Variants in ENTREP2 observed in about 807,000 individuals in gnomAD.
ENTREP2 encodes protein ENTREP2.
the ENTREP2 span, among the ~76,000 whole-genome samples, chr15:29,240,757 T>C: frequency 1.3e-3 from 197 of 152,334 alleles, 3 homozygotes; most frequent in Non-Finnish European, 3.2e-4. Context: ...CAGGTTGGAA[T>C]CTGATGCCAG....
the ENTREP2 span, among the ~76,000 whole-genome samples, chr15:29,477,018 G>T: frequency 3.3e-5 from 5 of 152,168 alleles, no homozygotes; most frequent in African/African-American, 1.2e-4. Context: ...AACTACCCTA[G>T]TGCCATCAAC....
At chr15:29,449,511 T>A in the ENTREP2 span, among the ~76,000 whole-genome samples, 1 of 152,338 alleles carries the variant, frequency 6.6e-6, no homozygotes, top group East Asian at 1.9e-4. Flanking sequence ...TGAATGTGAA[T>A]GATCACCCTT....
chr15:29,498,519 T>C, the ENTREP2 span, among the ~76,000 whole-genome samples: 4 of 152,186 alleles, frequency 2.6e-5, no homozygotes, highest in Non-Finnish European at 4.4e-5. Flanking sequence ...ATAATTAAAA[T>C]ATAATTTCAA....
chr15:29,131,182 G>A, the ENTREP2 span, among the ~76,000 whole-genome samples: 12 of 152,234 alleles, frequency 7.9e-5, no homozygotes, highest in Admixed American at 3.9e-4. Flanking sequence ...AGAGCTCTTC[G>A]TTTGGGGCAA....
the ENTREP2 span, among the ~76,000 whole-genome samples, chr15:29,396,199 G>A: frequency 5.3e-5 from 8 of 152,132 alleles, no homozygotes; most frequent in South Asian, 4.1e-4. Flanking sequence ...TGTACATTAC[G>A]TCTCCAGAAT....
chr15:29,441,693 T>A, the ENTREP2 span, among the ~76,000 whole-genome samples: 1 of 152,170 alleles, frequency 6.6e-6, no homozygotes, highest in Admixed American at 6.5e-5. Context: ...AGTATTTACA[T>A]GCATCATCCC....
the ENTREP2 span, among the ~76,000 whole-genome samples, chr15:29,211,263 A>G: frequency 8.5e-5 from 13 of 152,264 alleles, no homozygotes; most frequent in East Asian, 2.5e-3. Flanking sequence ...AAGCCAGTGG[A>G]GAGTCATGGT....
the ENTREP2 span, among the ~76,000 whole-genome samples, chr15:29,649,351 G>C: frequency 1.3e-5 from 2 of 151,974 alleles, no homozygotes; most frequent in African/African-American, 4.8e-5. Context: ...TTATGATGAA[G>C]GAAATGTAAA....
chr15:29,581,074 A>C, the ENTREP2 span, among the ~76,000 whole-genome samples: 1 of 151,854 alleles, frequency 6.6e-6, no homozygotes, highest in Non-Finnish European at 1.5e-5. Context: ...TGACTTTATT[A>C]GTTTTAGTCT....
chr15:29,393,372 G>A, the ENTREP2 span, among the ~76,000 whole-genome samples: 1 of 152,182 alleles, frequency 6.6e-6, no homozygotes, highest in Admixed American at 6.5e-5. Context: ...AGAAATCCCA[G>A]GCCAAGCCCC....
the ENTREP2 span, among the ~76,000 whole-genome samples, chr15:29,162,212 A>G: frequency 6.6e-6 from 1 of 152,172 alleles, no homozygotes; most frequent in Non-Finnish European, 1.5e-5. Context: ...ACAGGGATCC[A>G]CCAGGAGGGC....
chr15:29,226,086 G>C, the ENTREP2 span, among the ~76,000 whole-genome samples: 2 of 152,198 alleles, frequency 1.3e-5, no homozygotes, highest in Non-Finnish European at 2.9e-5. Flanking sequence ...TCCAGGACTT[G>C]TCTTGACACT....
the ENTREP2 span, among the ~76,000 whole-genome samples, chr15:29,372,753 T>C: frequency 7.9e-5 from 12 of 152,144 alleles, no homozygotes; most frequent in African/African-American, 2.4e-5. Flanking sequence ...GTTAAAACAA[T>C]GTAGTGTTGT....
the ENTREP2 span, among the ~76,000 whole-genome samples, chr15:29,521,556 C>T: frequency 6.6e-6 from 1 of 152,156 alleles, no homozygotes; most frequent in African/African-American, 2.4e-5. Context: ...ATCTGTCTTG[C>T]AACCATTTGC....
At chr15:29,445,624 C>T in the ENTREP2 span, among the ~76,000 whole-genome samples, 1 of 152,164 alleles carries the variant, frequency 6.6e-6, no homozygotes, top group African/African-American at 2.4e-5. Context: ...TAAGAGGTTA[C>T]CCTGTGCATC....
At chr15:29,423,253 G>C in the ENTREP2 span, among the ~76,000 whole-genome samples, 1 of 152,192 alleles carries the variant, frequency 6.6e-6, no homozygotes, top group South Asian at 2.1e-4. Context: ...ATACATGTTA[G>C]TGAAAATGCT....
the ENTREP2 span, among the ~76,000 whole-genome samples, chr15:29,239,166 AG>A: frequency 2.6e-5 from 4 of 152,176 alleles, no homozygotes; most frequent in African/African-American, 9.7e-5. Flanking sequence ...CACATCCCTC[AG>A]GTAGACGTGG....
the ENTREP2 span, among the ~76,000 whole-genome samples, chr15:29,414,258 T>A: frequency 1.3e-5 from 2 of 152,088 alleles, no homozygotes; most frequent in Non-Finnish European, 2.9e-5. Context: ...AGTAAAGCAC[T>A]CCTCAGCAAA....
At chr15:29,556,206 G>A in the ENTREP2 span, among the ~76,000 whole-genome samples, 2 of 152,162 alleles carry the variant, frequency 1.3e-5, no homozygotes, top group Non-Finnish European at 1.5e-5. Context: ...GCAGTGAGCC[G>A]TGATCCTGCC....
Sources: allele counts gnomAD v4.1 joint callset (sites outside exome capture counted in the v4.1 genomes callset), GRCh38; gene constraint gnomAD v4.1.1; transcripts MANE v1.5; gene names NCBI Gene and HGNC (gene_info 2026-07-23, HGNC 2026-07-21).